The following ANKLE2 variants were observed in gnomAD, a reference collection of about 807,000 sequenced individuals.
ANKLE2 encodes ankyrin repeat and LEM domain-containing protein 2.
Under a neutral mutation model 84.2 loss-of-function variants are expected in ANKLE2, and 55 were observed. The ratio of observed to expected loss-of-function variants is 0.65; its 90% CI spans 0.53 to 0.82. ANKLE2 has a LOEUF of 0.82. Among genes scored for constraint, ANKLE2 ranks in the 40% least tolerant of loss-of-function variants. The pLI, the probability that ANKLE2 is intolerant of heterozygous loss-of-function variation, is 0.00. For missense variants in ANKLE2, 1,238 were observed against 1,201.9 expected (o/e 1.03, Z -0.44); for synonymous variants, 551 against 486.1 (o/e 1.13, Z -1.76).
chr12:132,744,871 G>A (rs1206832129), intron 5 of ANKLE2, among the ~76,000 whole-genome samples: 13 of 152,126 alleles, frequency 8.5e-5, no homozygotes, highest in South Asian at 6.2e-4. Context: ...TAGTAGAGAC[G>A]GGGTTTCACC....
chr12:132,761,502 C>A (rs1277916518), intron 1 of ANKLE2, 116 bp downstream of exon 1: 9 of 912,852 alleles, frequency 9.9e-6, no homozygotes, highest in African/African-American at 1.8e-5. Flanking sequence ...TTTCCCCGGC[C>A]GCCTCGCCCA....
chr12:132,741,480 A>AT lies in ANKLE2; in HGVS notation c.1358_1359insA (p.Cys454LeufsTer2), dbSNP rs1463174972. The AT allele has an allele frequency of 6.2e-7, 1 of 1,614,054 alleles. No individual in the cohort carries two copies. Among genetic ancestry groups the AT allele is most frequent in the Non-Finnish European group, 8.5e-7 (1 of 1,179,986 alleles). On this transcript the variant is annotated frameshift_variant, in exon 7 of 13. Coordinates refer to ENST00000357997, the MANE Select transcript of ANKLE2 (RefSeq NM_015114.3). LOFTEE classifies it high-confidence loss of function. ...CAGATTTATTTTTGCTTCTTTCACA[A>AT]ATTACCTATTGGAAAAAAAAGTGTG...
At chr12:132,739,351 T>C (rs368862379) in intron 7 of ANKLE2, among the ~76,000 whole-genome samples, 5 of 152,158 alleles carry the variant, frequency 3.3e-5, no homozygotes, top group Non-Finnish European at 5.9e-5. Context: ...TACTGAAAAT[T>C]AGGGCAATTC....
intron 5 of ANKLE2, among the ~76,000 whole-genome samples, chr12:132,747,468 G>C (rs1481524021): frequency 1.3e-5 from 2 of 152,192 alleles, no homozygotes; most frequent in Non-Finnish European, 2.9e-5. Flanking sequence ...GCTCTTGGTA[G>C]GACACTGAGG....
At chr12:132,727,959 G>A in intron 12 of ANKLE2, 73 bp downstream of exon 12, 1 of 1,536,562 alleles carries the variant, frequency 6.5e-7, no homozygotes, top group African/African-American at 1.4e-5. Context: ...AGGTTCGCAT[G>A]AAGTGGAACT....
At chr12:132,750,440 C>T (rs1445265222) in intron 3 of ANKLE2, among the ~76,000 whole-genome samples, 1 of 151,990 alleles carries the variant, frequency 6.6e-6, no homozygotes, top group Non-Finnish European at 1.5e-5. Flanking sequence ...ATGGAAGCGG[C>T]CACAGCGTTC....
intron 7 of ANKLE2, chr12:132,737,890 G>A (rs1952830250): frequency 6.6e-6 from 1 of 152,062 alleles, no homozygotes; most frequent in Admixed American, 6.6e-5. Flanking sequence ...TGAGTAGCTG[G>A]GACCACAGGC....
chr12:132,743,336 G>C lies in ANKLE2; in HGVS notation c.1231-60C>G. The C allele has an allele frequency of 1.3e-6, 2 of 1,517,148 alleles. No individual in the cohort carries two copies. The highest frequency in any genetic ancestry group is 2.4e-5 in the East Asian group (1 of 41,630). 94.0% of individuals were successfully genotyped at this position (1,517,148 alleles called of 1,614,324 possible). On this transcript the variant is annotated intron_variant, in intron 5 of 12. Transcript: ENST00000357997. The surrounding 1 kb of genome is among the most constrained non-coding windows in gnomAD (Gnocchi z 4.1). ...CACTTGTCTCATGAGGTTGCTCTAA[G>C]GTGAAAATACATATTCATTCATTCA... is the stretch of plus-strand genomic sequence containing the variant.
intron 3 of ANKLE2, 78 bp from the exon 4 acceptor site, chr12:132,748,409 G>T: frequency 6.5e-7 from 1 of 1,529,428 alleles, no homozygotes; most frequent in Non-Finnish European, 9.0e-7. Context: ...TCTGATGAGG[G>T]ATAAGCAGCT....
Position 132,746,091 on chromosome 12 carries a change from G to A in ANKLE2, c.1230+1741C>T, listed in dbSNP as rs534869322. Reference sequence around the variant, plus strand: ...TGGCCAGGCACGGTGGCTCACGCCCGTAATCCCAGCACTCTGGGAGGCCAA... The same window carrying A: ...TGGCCAGGCACGGTGGCTCACGCCCATAATCCCAGCACTCTGGGAGGCCAA... On this transcript the variant is annotated intron_variant, in intron 5 of 12. Coordinates refer to ENST00000357997, the MANE Select transcript of ANKLE2 (RefSeq NM_015114.3). 3.8e-4 allele frequency among the ~76,000 whole-genome samples: 58 copies of A among 152,304 alleles called. 1 individual carries two copies. The South Asian group carries it at 0.011, about 29-fold the overall frequency.
chr12:132,744,399 G>A (rs531841324), intron 5 of ANKLE2, among the ~76,000 whole-genome samples: 1 of 152,190 alleles, frequency 6.6e-6, no homozygotes, highest in East Asian at 1.9e-4. Context: ...CGTATGCCAT[G>A]GCAGCCATCC....
At chr12:132,740,883 A>C (rs1174993790) in intron 7 of ANKLE2, among the ~76,000 whole-genome samples, 2 of 152,124 alleles carry the variant, frequency 1.3e-5, no homozygotes, top group East Asian at 1.9e-4. Flanking sequence ...AGTGTCCCGG[A>C]GCCAAGACAG....
intron 10 of ANKLE2, among the ~76,000 whole-genome samples, chr12:132,733,332 G>A (rs1466034442): frequency 1.8e-4 from 24 of 133,144 alleles, no homozygotes; most frequent in East Asian, 4.7e-4. Flanking sequence ...AGCTCTCTGC[G>A]TCCTGGTGTC....
chr12:132,760,063 G>A (rs1002371798), intron 1 of ANKLE2: 2 of 151,202 alleles, frequency 1.3e-5, no homozygotes, highest in Admixed American at 1.3e-4. Flanking sequence ...GAACCCGGGA[G>A]GCGGAGCTTG....
chr12:132,743,035 A>G lies in ANKLE2; in HGVS notation c.1353+119T>C. On this transcript the variant is annotated intron_variant, in intron 6 of 12. Coordinates refer to ENST00000357997, the MANE Select transcript of ANKLE2 (RefSeq NM_015114.3). This position sits in a 1 kb window ranked among gnomAD's most constrained non-coding sequence, Gnocchi z 4.1. ...CCAAGGTTCTAACATGTGCCCATAA[A>G]GCAAACACAACTCATACAGAGCTCC... 1.1e-6 allele frequency: 1 copy of G among 930,976 alleles called. No individual in the cohort carries two copies. Among genetic ancestry groups the G allele is most frequent in the Non-Finnish European group, 1.5e-6 (1 of 661,292 alleles). The allele number at this position is 930,976 out of a possible 1,614,324, so 57.7% of individuals were successfully genotyped here. A position where few individuals can be genotyped will look rare whatever the true frequency, so the allele number is the denominator to read the frequency against.
Position 132,727,131 on chromosome 12 carries a change from G to A in ANKLE2, c.*111C>T, listed in dbSNP as rs548520385. 283 of 1,119,588 alleles carry A rather than the reference G, an allele frequency of 2.5e-4. 1 individual carries two copies. In the African/African-American group the frequency reaches 3.4e-3, roughly 13 times the overall value. 69.4% of individuals were successfully genotyped at this position (1,119,588 alleles called of 1,614,324 possible). On this transcript the variant is annotated 3_prime_UTR_variant, in exon 13 of 13. Transcript: ENST00000357997. ...CTTCTAAAATTCTCACACCCTCAAA[G>A]TGAGGAGTAATAATTTAATCAGAAT...
At chr12:132,741,290 A>C in intron 7 of ANKLE2, 129 bp downstream of exon 7, 1 of 840,238 alleles carries the variant, frequency 1.2e-6, no homozygotes, top group Non-Finnish European at 1.9e-6. Context: ...GATCCCGAGG[A>C]GAGGCTTCCG....
chr12:132,741,421 T>C lies in ANKLE2; in HGVS notation c.1418A>G (p.Lys473Arg), dbSNP rs200479549. The change falls in exon 7 of 13, where the codon AAG becomes AGG. Residue 473 changes from lysine to arginine, a missense_variant and splice_region_variant. Physicochemically the swap from Lys to Arg is conservative, Grantham distance 26. This residue lies in a region of ANKLE2 where 802 missense variants were observed against 774.5 expected (regional missense o/e 1.04). Coordinates refer to ENST00000357997, the MANE Select transcript of ANKLE2 (RefSeq NM_015114.3). ...CAGGCACCAACTCCCCATCTTACCC[T>C]TTAAATACTCTCTGATCCGCTCCTT... ...ELKERIREYL[K>R]GHYYVPLLRA... 536 of 1,614,078 alleles carry C rather than the reference T, an allele frequency of 3.3e-4. No homozygotes were observed. The highest frequency in any genetic ancestry group is 4.3e-4 in the Non-Finnish European group (508 of 1,180,024).
rs780806222 is a variant in ANKLE2, at chr12:132,755,146, CA to C, written c.182-14del. ...ATTGTCATTTCACCTAGGCCCAAGA[CA>C]AAAAAATCAAAGAGTCACAAAATAC... On this transcript the variant is annotated splice_polypyrimidine_tract_variant and intron_variant, in intron 1 of 12. Coordinates refer to ENST00000357997, the MANE Select transcript of ANKLE2 (RefSeq NM_015114.3). 3 of 1,574,202 alleles carry C rather than the reference CA, an allele frequency of 1.9e-6. No homozygotes were observed. Among genetic ancestry groups the C allele is most frequent in the South Asian group, 1.2e-5 (1 of 85,894 alleles).
Sources: allele counts gnomAD v4.1 joint callset (sites outside exome capture counted in the v4.1 genomes callset), GRCh38; gene constraint gnomAD v4.1.1; regional missense constraint gnomAD v4.1.1; non-coding constraint Gnocchi (gnomAD v3.1); transcripts MANE v1.5; gene names NCBI Gene and HGNC (gene_info 2026-07-23, HGNC 2026-07-21).